ANXA8: variants seen among roughly 807,000 people sequenced by gnomAD.
The protein encoded by ANXA8 is VAC-beta.
Under a neutral mutation model 26.8 loss-of-function variants are expected in ANXA8, and 9 were observed. The ratio of observed to expected loss-of-function variants is 0.34; its 90% CI spans 0.20 to 0.59. The LOEUF is 0.59. Ranked by LOEUF, ANXA8 falls within the 20% of genes least tolerant of loss-of-function variation. The pLI is 0.84. For missense variants in ANXA8, 83 were observed against 238.5 expected, an observed-to-expected ratio of 0.35 and a Z score of 4.29; for synonymous variants, 39 against 94.8, an observed-to-expected ratio of 0.41 and a Z score of 3.42.
chr10:47,944,411 G>A, the ANXA8 span, among the ~76,000 whole-genome samples: 23 of 149,456 alleles, frequency 1.5e-4, no homozygotes, highest in African/African-American at 5.0e-4. Flanking sequence ...ACACCCAAGG[G>A]GGGCCCTGAG....
At chr10:47,527,863 G>A in the ANXA8 span, among the ~76,000 whole-genome samples, 2 of 148,126 alleles carry the variant, frequency 1.4e-5, no homozygotes, top group South Asian at 2.1e-4. Flanking sequence ...AAGGGAAAGA[G>A]CCAATAGAAA....
the ANXA8 span, among the ~76,000 whole-genome samples, chr10:47,894,709 C>G: frequency 6.6e-5 from 10 of 152,302 alleles, no homozygotes; most frequent in African/African-American, 2.4e-4. Context: ...TACTAACACC[C>G]CATACAGTAC....
chr10:47,651,172 C>T, the ANXA8 span, among the ~76,000 whole-genome samples: 2 of 151,228 alleles, frequency 1.3e-5, no homozygotes, highest in Non-Finnish European at 2.9e-5. Context: ...TGCACTCCAG[C>T]CTGGGCGGCA....
the ANXA8 span, among the ~76,000 whole-genome samples, chr10:47,960,471 A>G: frequency 4.0e-5 from 6 of 149,022 alleles, no homozygotes; most frequent in Non-Finnish European, 7.4e-5. Context: ...CTGAGAACCA[A>G]TTATAAACAC....
the ANXA8 span, among the ~76,000 whole-genome samples, chr10:47,683,329 C>T: frequency 9.8e-4 from 146 of 149,528 alleles, 1 homozygote; most frequent in East Asian, 4.6e-3. Flanking sequence ...CCCTGGTTCA[C>T]GCCATGCTCC....
At chr10:47,493,376 T>C in the ANXA8 span, among the ~76,000 whole-genome samples, 65 of 139,798 alleles carry the variant, frequency 4.6e-4, no homozygotes, top group African/African-American at 1.7e-3. Context: ...GGGGATGGGG[T>C]GACACCTGGG....
the ANXA8 span, among the ~76,000 whole-genome samples, chr10:47,734,477 C>T: frequency 6.8e-6 from 1 of 148,060 alleles, no homozygotes; most frequent in Non-Finnish European, 1.5e-5. Context: ...AGCTGATTTA[C>T]TGCACTTAGT....
At chr10:47,500,402 T>C in the ANXA8 span, among the ~76,000 whole-genome samples, 3 of 145,322 alleles carry the variant, frequency 2.1e-5, no homozygotes, top group Non-Finnish European at 3.0e-5. Flanking sequence ...CAGCTTTCCC[T>C]CCTGCATCAC....
chr10:47,776,375 TA>T, the ANXA8 span, among the ~76,000 whole-genome samples: 11 of 150,658 alleles, frequency 7.3e-5, no homozygotes, highest in East Asian at 2.2e-3. Flanking sequence ...AATTGGTTTT[TA>T]AAAAAGGAAA....
the ANXA8 span, among the ~76,000 whole-genome samples, chr10:47,733,233 C>G: frequency 1.3e-4 from 8 of 59,716 alleles, no homozygotes; most frequent in African/African-American, 3.1e-4. Context: ...CTTTCTTTCT[C>G]TCTTTCTTTC....
the ANXA8 span, among the ~76,000 whole-genome samples, chr10:47,608,046 G>C: frequency 1.3e-5 from 2 of 148,696 alleles, no homozygotes; most frequent in African/African-American, 5.2e-5. Context: ...AGGGGAGAAG[G>C]TCTTTCTCAT....
the ANXA8 span, among the ~76,000 whole-genome samples, chr10:47,560,897 A>G: frequency 1.3e-5 from 2 of 151,752 alleles, no homozygotes; most frequent in Admixed American, 6.6e-5. Flanking sequence ...TGCAGCCTGC[A>G]ACTCCTGGGC....
At chr10:47,983,156 G>C in the ANXA8 span, among the ~76,000 whole-genome samples, 1 of 43,448 alleles carries the variant, frequency 2.3e-5, no homozygotes, top group South Asian at 7.7e-4. Context: ...AGATGGTGCT[G>C]TCACTTTGGA....
At chr10:47,699,070 G>T in the ANXA8 span, among the ~76,000 whole-genome samples, 146 of 151,784 alleles carry the variant, frequency 9.6e-4, 1 homozygote, top group African/African-American at 2.4e-3. Context: ...CATCTGGTCT[G>T]GTGCGGTGGC....
the ANXA8 span, among the ~76,000 whole-genome samples, chr10:47,957,717 G>A: frequency 1.3e-5 from 2 of 148,794 alleles, no homozygotes; most frequent in Non-Finnish European, 3.0e-5. Context: ...TAGGCTCCAG[G>A]CAAGGTTCTT....
the ANXA8 span, among the ~76,000 whole-genome samples, chr10:47,516,020 C>T: frequency 7.5e-6 from 1 of 132,596 alleles, no homozygotes; most frequent in Non-Finnish European, 1.6e-5. Flanking sequence ...TCTTAAAACA[C>T]TCTCAAAAAA....
chr10:47,743,355 C>T, the ANXA8 span, among the ~76,000 whole-genome samples: 51 of 45,100 alleles, frequency 1.1e-3, 2 homozygotes, highest in South Asian at 4.6e-3. Flanking sequence ...TATATATATA[C>T]ACATATATAT....
the ANXA8 span, among the ~76,000 whole-genome samples, chr10:47,988,987 C>T: frequency 6.6e-6 from 1 of 151,318 alleles, no homozygotes; most frequent in Admixed American, 6.6e-5. Flanking sequence ...GCACTTCAAG[C>T]CCCTTGTGTG....
the ANXA8 span, among the ~76,000 whole-genome samples, chr10:47,947,567 G>A: frequency 6.6e-6 from 1 of 150,750 alleles, no homozygotes; most frequent in African/African-American, 2.5e-5. Flanking sequence ...TTAGATCATG[G>A]GGGCAGATTT....
Sources: allele counts gnomAD v4.1 joint callset (sites outside exome capture counted in the v4.1 genomes callset), GRCh38; gene constraint gnomAD v4.1.1; transcripts MANE v1.5; gene names NCBI Gene and HGNC (gene_info 2026-07-23, HGNC 2026-07-21).